Variants in SYTL5 observed in about 807,000 individuals in gnomAD.
SYTL5 encodes the protein synaptotagmin like 5.
In SYTL5, 34 loss-of-function variants were observed where a neutral mutation model predicts 55.9. The observed-to-expected ratio is 0.61, with a 90% CI of 0.46 to 0.81. SYTL5 has a LOEUF of 0.81. SYTL5 is among the 30% of genes least tolerant of loss of function. The pLI, the probability that SYTL5 is intolerant of heterozygous loss-of-function variation, is 0.00. For synonymous variants in SYTL5, 221 were observed against 188.7 expected (o/e 1.17, Z -1.40); for missense variants, 637 against 546.7 (o/e 1.17, Z -1.65).
chrX:37,978,145 C>T, the SYTL5 span, among the ~76,000 whole-genome samples: 7 of 111,167 alleles, frequency 6.3e-5, no homozygotes, highest in Non-Finnish European at 9.4e-5. Context: ...CCAGAGAAAC[C>T]AGCAGGAGGT....
At chrX:38,063,546 A>G (rs192336142) in intron 3 of SYTL5, among the ~76,000 whole-genome samples, 23 of 111,853 alleles carry the variant, frequency 2.1e-4, no homozygotes, top group African/African-American at 6.5e-4. Context: ...TAAGAATTAG[A>G]ACATCTTGTT....
At chrX:37,992,425 C>T in the SYTL5 span, among the ~76,000 whole-genome samples, 9 of 112,999 alleles carry the variant, frequency 8.0e-5, no homozygotes, top group East Asian at 2.8e-4. Context: ...GAGCTGCGGG[C>T]CTGGGTTTCA....
chrX:38,015,762 C>A (rs1394288983), intron 1 of SYTL5, among the ~76,000 whole-genome samples: 1 of 109,994 alleles, frequency 9.1e-6, no homozygotes, highest in Non-Finnish European at 1.9e-5. Flanking sequence ...AATCTAATTT[C>A]AGAACACTTT....
intron 3 of SYTL5, among the ~76,000 whole-genome samples, chrX:38,058,470 A>G (rs1935850126): frequency 9.1e-6 from 1 of 110,474 alleles, no homozygotes; most frequent in South Asian, 3.8e-4. Flanking sequence ...CCTAAAGGGT[A>G]CCCTTTAGTA....
At chrX:37,904,367 G>A in the SYTL5 span, among the ~76,000 whole-genome samples, 3 of 105,410 alleles carry the variant, frequency 2.8e-5, no homozygotes, top group Non-Finnish European at 5.8e-5. Flanking sequence ...CAGAGTGGGG[G>A]GGACTTTAGA....
At chrX:37,908,433 A>C in the SYTL5 span, among the ~76,000 whole-genome samples, 5 of 112,084 alleles carry the variant, frequency 4.5e-5, no homozygotes, top group African/African-American at 1.6e-4. Context: ...CTTAGTGGCA[A>C]AGGAGACTGG....
chrX:38,067,120 C>T (rs1013671735), intron 3 of SYTL5, among the ~76,000 whole-genome samples: 5 of 111,742 alleles, frequency 4.5e-5, no homozygotes, highest in Non-Finnish European at 7.5e-5. Flanking sequence ...TCTGAAATGA[C>T]AAATGACTCA....
the SYTL5 span, among the ~76,000 whole-genome samples, chrX:37,980,803 C>T: frequency 5.4e-5 from 6 of 112,127 alleles, no homozygotes; most frequent in East Asian, 1.7e-3. Flanking sequence ...GCTTCTTCAT[C>T]CTAGCCTCCA....
chrX:38,096,032 C>A (rs1033050117), intron 8 of SYTL5, 102 bp from the exon 9 acceptor site: 1 of 428,512 alleles, frequency 2.3e-6, no homozygotes, highest in Non-Finnish European at 4.0e-6. Flanking sequence ...TGATCTGTGC[C>A]TAAAAAGAAT....
intron 2 of SYTL5, among the ~76,000 whole-genome samples, chrX:38,039,649 G>A (rs1279328228): frequency 1.8e-5 from 2 of 111,588 alleles, no homozygotes; most frequent in African/African-American, 3.3e-5. Context: ...TATATTGTGA[G>A]CTTTATTCTC....
At chrX:37,960,121 C>T in the SYTL5 span, among the ~76,000 whole-genome samples, 3 of 111,247 alleles carry the variant, frequency 2.7e-5, no homozygotes, top group African/African-American at 9.8e-5. Context: ...ACCATTCTAC[C>T]CTCCCAGAGC....
At chrX:38,063,269 G>C (rs1936005565) in intron 3 of SYTL5, among the ~76,000 whole-genome samples, 1 of 111,414 alleles carries the variant, frequency 9.0e-6, no homozygotes, top group African/African-American at 3.3e-5. Context: ...TCATATTGGA[G>C]TAGTCCTACA....
intron 3 of SYTL5, among the ~76,000 whole-genome samples, chrX:38,054,672 T>C (rs1935731035): frequency 1.8e-5 from 2 of 108,185 alleles, no homozygotes; most frequent in Non-Finnish European, 3.8e-5. Flanking sequence ...TTTTAAAAAT[T>C]GCAAAGCATT....
At chrX:38,102,878 C>G (rs1429184102) in intron 10 of SYTL5, 2 of 429,108 alleles carry the variant, frequency 4.7e-6, no homozygotes, top group Non-Finnish European at 8.0e-6. Context: ...AAAATAAAGT[C>G]CTTTCTTACT....
At chrX:37,900,608 T>A in the SYTL5 span, among the ~76,000 whole-genome samples, 1 of 111,394 alleles carries the variant, frequency 9.0e-6, no homozygotes, top group Non-Finnish European at 1.9e-5. Flanking sequence ...AGAAGATGAA[T>A]AATTCACTTT....
the SYTL5 span, among the ~76,000 whole-genome samples, chrX:37,953,819 T>G: frequency 9.0e-6 from 1 of 110,925 alleles, no homozygotes; most frequent in Non-Finnish European, 1.9e-5. Flanking sequence ...GAGAAGTGAC[T>G]GAGAGGTGGT....
chrX:37,928,174 C>T, the SYTL5 span, among the ~76,000 whole-genome samples: 3 of 112,377 alleles, frequency 2.7e-5, no homozygotes, highest in Non-Finnish European at 5.6e-5. Context: ...TTGTTCACTG[C>T]CCATGCATGG....
At chrX:38,115,220 C>T (rs1445751969) in intron 13 of SYTL5, among the ~76,000 whole-genome samples, 3 of 104,629 alleles carry the variant, frequency 2.9e-5, no homozygotes, top group East Asian at 2.8e-4. Flanking sequence ...CGCGGTGGCT[C>T]ACGCCTGTAA....
intron 3 of SYTL5, among the ~76,000 whole-genome samples, chrX:38,065,768 T>C (rs1301049204): frequency 8.9e-6 from 1 of 111,793 alleles, no homozygotes; most frequent in East Asian, 2.8e-4. Flanking sequence ...TTCTTAGCCT[T>C]AGCCCGGGGC....
Sources: gnomAD v4.1 joint callset for allele counts (sites outside exome capture counted in the v4.1 genomes callset) on GRCh38, gnomAD v4.1.1 for gene constraint, MANE v1.5 for transcripts, NCBI Gene and HGNC (gene_info 2026-07-23, HGNC 2026-07-21) for gene names.